Variants in CYP2J2 observed in about 807,000 individuals in gnomAD.
CYP2J2 encodes the protein cytochrome P450 family 2 subfamily J member 2.
In CYP2J2, 41 loss-of-function variants were observed where a neutral mutation model predicts 48.8. That is an observed-to-expected ratio of 0.84 (90% confidence interval 0.66 to 1.09). The LOEUF is 1.09. Ranked by LOEUF, CYP2J2 falls within the 50% of genes least tolerant of loss-of-function variation. The pLI, the probability that CYP2J2 is intolerant of heterozygous loss-of-function variation, is 0.00. For missense variants in CYP2J2, 644 were observed against 617.3 expected (o/e 1.04, Z -0.46); for synonymous variants, 221 against 227.1 (o/e 0.97, Z 0.24).
intron 7 of CYP2J2, among the ~76,000 whole-genome samples, chr1:59,901,394 T>G (rs538025736): frequency 6.6e-6 from 1 of 152,286 alleles, no homozygotes; most frequent in South Asian, 2.1e-4. Context: ...TCAGTAGGGC[T>G]TGGAAGGAGG....
chr1:59,913,422 TTTGCTGAC>T (rs1033101455), intron 2 of CYP2J2, among the ~76,000 whole-genome samples: 3 of 152,218 alleles, frequency 2.0e-5, no homozygotes, highest in Admixed American at 6.5e-5. Flanking sequence ...CCTGCCTCAC[TTTGCTGAC>T]TTAAAGGTAT....
intron 2 of CYP2J2, among the ~76,000 whole-genome samples, chr1:59,913,483 A>G (rs561206692): frequency 1.3e-5 from 2 of 152,286 alleles, no homozygotes; most frequent in East Asian, 3.9e-4. Context: ...AGTTTTCTCC[A>G]TATGACTTTT....
intron 8 of CYP2J2, among the ~76,000 whole-genome samples, chr1:59,900,035 A>G (rs1304652351): frequency 6.6e-6 from 1 of 152,236 alleles, no homozygotes; most frequent in Non-Finnish European, 1.5e-5. Flanking sequence ...TATCTTAAAA[A>G]CAAGAGAAAA....
chr1:59,942,956 G>T, the CYP2J2 span, among the ~76,000 whole-genome samples: 1 of 152,064 alleles, frequency 6.6e-6, no homozygotes, highest in East Asian at 1.9e-4. Context: ...TAAAGGTAAA[G>T]TATCTAATTT....
At chr1:59,952,689 A>C in the CYP2J2 span, among the ~76,000 whole-genome samples, 1 of 152,108 alleles carries the variant, frequency 6.6e-6, no homozygotes, top group African/African-American at 2.4e-5. Flanking sequence ...AAATACAAGT[A>C]CTCCATCAAT....
chr1:59,918,839 G>A (rs995151717), intron 1 of CYP2J2, among the ~76,000 whole-genome samples: 2 of 151,910 alleles, frequency 1.3e-5, no homozygotes, highest in East Asian at 3.9e-4. Flanking sequence ...TGTAATGCTA[G>A]GAATAAAAAT....
chr1:59,941,830 A>G, the CYP2J2 span, among the ~76,000 whole-genome samples: 40,059 of 149,948 alleles, frequency 0.27, 5,705 homozygotes, highest in African/African-American at 0.39. Flanking sequence ...GCTGCACAAT[A>G]TGTGTTTTAA....
At chr1:59,921,828 T>G (rs1408939927) in intron 1 of CYP2J2, among the ~76,000 whole-genome samples, 2 of 152,070 alleles carry the variant, frequency 1.3e-5, no homozygotes, top group Non-Finnish European at 2.9e-5. Flanking sequence ...TAGACTGTGT[T>G]TCTGTTCTAA....
intron 4 of CYP2J2, 78 bp from the exon 5 acceptor site, chr1:59,910,038 CTCTT>C (rs1644398700): frequency 9.4e-7 from 1 of 1,068,828 alleles, no homozygotes; most frequent in African/African-American, 1.6e-5. Context: ...AAACCATCTT[CTCTT>C]TCCGTCTCTT....
At chr1:59,935,825 G>A in the CYP2J2 span, among the ~76,000 whole-genome samples, 1 of 152,214 alleles carries the variant, frequency 6.6e-6, no homozygotes, top group Non-Finnish European at 1.5e-5. Context: ...CCAGGCTGAA[G>A]TGCAATGGCA....
At position 59,911,732 on chromosome 1, in the gene CYP2J2, G is replaced by A. The variant is rs1644417591; in HGVS notation, c.560C>T (p.Ala187Val). The change falls in exon 4 of 9, where the codon GCA (alanine) becomes GTA (valine). Residue 187 changes from alanine to valine, a missense_variant. Coordinates refer to ENST00000371204, the MANE Select transcript of CYP2J2 (RefSeq NM_000775.4). Reference protein sequence around the residue: ...PFDPHFKINNAVSNIICSITF... With the variant: ...PFDPHFKINNVVSNIICSITF... ...GATGGAGCAAATGATATTGGAAACT[G>A]CATTGTTGATCTTGAAATGAGGGTC... 6.2e-7 allele frequency: 1 copy of A among 1,613,602 alleles called. No individual in the cohort carries two copies. Among genetic ancestry groups the A allele is most frequent in the Non-Finnish European group, 8.5e-7 (1 of 1,179,652 alleles).
chr1:59,968,580 G>A, the CYP2J2 span, among the ~76,000 whole-genome samples: 1 of 152,184 alleles, frequency 6.6e-6, no homozygotes, highest in African/African-American at 2.4e-5. Flanking sequence ...TGCAGAGTAT[G>A]GGGCATCCCA....
At chr1:59,903,506 A>G (rs937095973) in intron 7 of CYP2J2, among the ~76,000 whole-genome samples, 9 of 152,208 alleles carry the variant, frequency 5.9e-5, no homozygotes, top group Non-Finnish European at 1.2e-4. Flanking sequence ...TAGGAACAAT[A>G]GACACTGGGG....
chr1:59,915,998 C>T lies in CYP2J2; in HGVS notation c.313G>A (p.Asp105Asn), dbSNP rs553836084. 5.2e-5 allele frequency: 84 copies of T among 1,613,926 alleles called. No individual in the cohort carries two copies. The highest frequency in any genetic ancestry group is 8.3e-5 in the Admixed American group (5 of 59,998). Residue 105 changes from aspartate (D) to asparagine (N), a missense_variant, in exon 2 of 9, where the codon GAC (aspartate) becomes AAC (asparagine). Coordinates refer to ENST00000371204, the MANE Select transcript of CYP2J2 (RefSeq NM_000775.4). The stretch of plus-strand genomic sequence containing the variant: ...ACGGGGCGGTTCCCAAAGTTTTGGT[C>T]CATGTGGATAAGGGCTTCTTTGATT... ...PLIKEALIHM[D>N]QNFGNRPVTP...
At position 59,901,181 on chromosome 1, in the gene CYP2J2, G is replaced by A. The variant is rs913631490; in HGVS notation, c.1192-78C>T. On this transcript the variant is annotated intron_variant, in intron 7 of 8. Coordinates refer to ENST00000371204, the MANE Select transcript of CYP2J2 (RefSeq NM_000775.4). ...CTATGCAGAGGGGTGGTCATCCTCC[G>A]GCTTCCTTGCCGGGGGCCTGAACAT... is the stretch of plus-strand genomic sequence containing the variant. 1.9e-5 allele frequency: 29 copies of A among 1,514,992 alleles called. No homozygotes were observed. The Admixed American group carries it at 1.9e-4, about 10-fold the overall frequency. The allele number at this position is 1,514,992 out of a possible 1,614,324, so 93.8% of individuals were successfully genotyped here. A position where few individuals can be genotyped will look rare whatever the true frequency, so the allele number is the denominator to read the frequency against.
chr1:59,910,422 T>C (rs552263044), intron 4 of CYP2J2, among the ~76,000 whole-genome samples: 21 of 152,306 alleles, frequency 1.4e-4, no homozygotes, highest in African/African-American at 5.1e-4. Flanking sequence ...TAGATGCAGA[T>C]ACAGTGAAAA....
the CYP2J2 span, among the ~76,000 whole-genome samples, chr1:59,961,671 C>T: frequency 4.6e-5 from 7 of 152,068 alleles, no homozygotes; most frequent in South Asian, 2.1e-4. Context: ...TATACATGGA[C>T]GCTCATAGAG....
chr1:59,916,953 C>T (rs1279809344), intron 1 of CYP2J2, among the ~76,000 whole-genome samples: 4 of 152,038 alleles, frequency 2.6e-5, no homozygotes, highest in African/African-American at 9.7e-5. Context: ...CCTTCCTAGA[C>T]TGGGCATAGA....
At chr1:59,925,526 T>A (rs894722438) in intron 1 of CYP2J2, among the ~76,000 whole-genome samples, 2 of 152,138 alleles carry the variant, frequency 1.3e-5, no homozygotes, top group Admixed American at 1.3e-4. Flanking sequence ...ACAGAAATGA[T>A]AACAAGAAAA....
Sources: allele counts gnomAD v4.1 joint callset (sites outside exome capture counted in the v4.1 genomes callset), GRCh38; gene constraint gnomAD v4.1.1; transcripts MANE v1.5; gene names NCBI Gene and HGNC (gene_info 2026-07-23, HGNC 2026-07-21).